Variants in KBTBD12 observed in about 807,000 individuals in gnomAD.
KBTBD12 encodes kelch repeat and BTB domain-containing protein 12.
A neutral mutation model predicts 58.7 loss-of-function variants in KBTBD12; 53 were observed. That is an observed-to-expected ratio of 0.90 (90% CI 0.72 to 1.14). The LOEUF (loss-of-function observed/expected upper bound fraction) is 1.14. Ranked by LOEUF, KBTBD12 falls within the 50% of genes most tolerant of loss-of-function variation. The pLI is 0.00. For synonymous variants in KBTBD12, 236 were observed against 259.8 expected (o/e 0.91, Z 0.88); for missense variants, 704 against 751.3 (o/e 0.94, Z 0.74).
chr3:127,928,798 AT>A (rs1212361930), intron 3 of KBTBD12, among the ~76,000 whole-genome samples: 1 of 152,128 alleles, frequency 6.6e-6, no homozygotes, highest in Non-Finnish European at 1.5e-5. Context: ...TGCCTGTATT[AT>A]TTTTTGTTTC....
chr3:127,952,572 A>G (rs749384300), intron 4 of KBTBD12, among the ~76,000 whole-genome samples: 1 of 152,254 alleles, frequency 6.6e-6, no homozygotes, highest in Non-Finnish European at 1.5e-5. Flanking sequence ...GCAATTGTAC[A>G]TATGTTTAGA....
intron 4 of KBTBD12, among the ~76,000 whole-genome samples, chr3:127,956,069 G>A (rs776844503): frequency 1.2e-4 from 19 of 152,286 alleles, no homozygotes; most frequent in Non-Finnish European, 2.6e-4. Flanking sequence ...ATGCCTCCTT[G>A]TTCTGAAAAA....
chr3:127,922,958 C>T lies in KBTBD12; in HGVS notation c.-104C>T. The T allele has an allele frequency of 1.5e-6, 1 of 670,200 alleles. No individual in the cohort carries two copies. Among genetic ancestry groups the T allele is most frequent in the Non-Finnish European group, 2.5e-6 (1 of 396,114 alleles). The allele number at this position is 670,200 out of a possible 1,614,324, so 41.5% of individuals were successfully genotyped here. A position where few individuals can be genotyped will look rare whatever the true frequency, so the allele number is the denominator to read the frequency against. ...TTTTTTCTTTCCCTTAGAAATGTTTCCTGACATCTTTGTAGCTTCATGAGT... is the reference window on the plus strand; with the variant it reads ...TTTTTTCTTTCCCTTAGAAATGTTTTCTGACATCTTTGTAGCTTCATGAGT... On this transcript the variant is annotated 5_prime_UTR_variant, in exon 2 of 6. Transcript: ENST00000405109.
intron 2 of KBTBD12, among the ~76,000 whole-genome samples, chr3:127,927,520 C>T (rs1447722251): frequency 2.6e-5 from 4 of 151,918 alleles, no homozygotes; most frequent in Admixed American, 6.6e-5. Flanking sequence ...TATACTTTTT[C>T]TCTATATTTT....
At chr3:127,916,260 G>T (rs1201865006) in intron 1 of KBTBD12, among the ~76,000 whole-genome samples, 1 of 152,190 alleles carries the variant, frequency 6.6e-6, no homozygotes, top group African/African-American at 2.4e-5. Flanking sequence ...ATTATGAAAT[G>T]AATCAGGTCT....
chr3:127,963,717 T>G (rs1044522628), intron 5 of KBTBD12: 8 of 226,962 alleles, frequency 3.5e-5, no homozygotes, highest in African/African-American at 1.8e-4. Flanking sequence ...GAATCTAGTT[T>G]GTACAGCATC....
chr3:127,928,065 A>C (rs1327782326), intron 3 of KBTBD12, 31 bp downstream of exon 3: 2 of 1,582,862 alleles, frequency 1.3e-6, no homozygotes, highest in Admixed American at 3.3e-5. Flanking sequence ...CATAATTGGC[A>C]TGGCTATACT....
chr3:127,967,999 G>A lies in KBTBD12; in HGVS notation c.1690+4613G>A, dbSNP rs115021110. On this transcript the variant is annotated intron_variant, in intron 5 of 5. Coordinates refer to ENST00000405109, the MANE Select transcript of KBTBD12 (RefSeq NM_207335.4). ...CTCACTGGTCATTATGAAAAATTCC[G>A]GTTCCCTAAGCTCAGCATTTCTCTG... Among the ~76,000 whole-genome samples the A allele has an allele frequency of 6.7e-3, 1,027 of 152,250 alleles. 16 individuals carry two copies. The highest frequency in any genetic ancestry group is 0.023 in the African/African-American group (944 of 41,540).
At chr3:127,922,903 TAGAGAATTTTTTCTTAG>T in intron 1 of KBTBD12, 30 bp from the exon 2 acceptor site, 1 of 561,272 alleles carries the variant, frequency 1.8e-6, no homozygotes. Flanking sequence ...ATCTAAATTA[TAGAGAATTTTTTCTTAG>T]AAGGAAACTG....
chr3:127,917,249 G>C (rs1038459568), intron 1 of KBTBD12, among the ~76,000 whole-genome samples: 1 of 152,156 alleles, frequency 6.6e-6, no homozygotes, highest in African/African-American at 2.4e-5. Flanking sequence ...TCTCAAGTTG[G>C]GGTTCCCTCT....
In KBTBD12 at chr3:127,933,056, A is replaced by G. The variant is rs1274384893; in HGVS notation, c.1492+2773A>G. Among the ~76,000 whole-genome samples the G allele has an allele frequency of 3.3e-5, 5 of 152,336 alleles. No homozygotes were observed. The South Asian group carries it at 6.2e-4, about 19-fold the overall frequency. On this transcript the variant is annotated intron_variant, in intron 4 of 5. Transcript: ENST00000405109. ...AAAGCCAAATGAAAGCAGATTTCCAACTATGAAGAACGGAAAAAGTCAACA... is the reference window on the plus strand; with the variant it reads ...AAAGCCAAATGAAAGCAGATTTCCAGCTATGAAGAACGGAAAAAGTCAACA...
At chr3:127,977,674 GTTGT>G (rs1010427079) in intron 5 of KBTBD12, among the ~76,000 whole-genome samples, 70 of 152,204 alleles carry the variant, frequency 4.6e-4, no homozygotes, top group African/African-American at 1.5e-3. Context: ...TTTTAATGGG[GTTGT>G]TTGTTTTTTG....
At chr3:127,920,285 A>G (rs1458019615) in intron 1 of KBTBD12, among the ~76,000 whole-genome samples, 1 of 152,154 alleles carries the variant, frequency 6.6e-6, no homozygotes, top group East Asian at 1.9e-4. Context: ...TGCTTTGCAT[A>G]TTAGAAATAT....
chr3:127,964,658 A>G (rs886191830), intron 5 of KBTBD12, among the ~76,000 whole-genome samples: 2 of 145,472 alleles, frequency 1.4e-5, no homozygotes, highest in Non-Finnish European at 3.0e-5. Flanking sequence ...AAAAAAAAAA[A>G]GAAAGAAAAA....
At chr3:127,927,542 T>C (rs969159881) in intron 2 of KBTBD12, among the ~76,000 whole-genome samples, 2 of 152,194 alleles carry the variant, frequency 1.3e-5, no homozygotes, top group African/African-American at 4.8e-5. Context: ...CCCAAAACTC[T>C]TCAGGTATAT....
intron 4 of KBTBD12, among the ~76,000 whole-genome samples, chr3:127,958,993 G>C (rs1412212794): frequency 6.6e-6 from 1 of 152,058 alleles, no homozygotes; most frequent in Non-Finnish European, 1.5e-5. Context: ...TGTACTGAAG[G>C]GCTTCATTCT....
intron 1 of KBTBD12, among the ~76,000 whole-genome samples, chr3:127,921,489 G>A (rs926215263): frequency 6.6e-5 from 10 of 152,122 alleles, no homozygotes; most frequent in African/African-American, 2.4e-4. Flanking sequence ...CATGTACAAT[G>A]CGAGTGTCTT....
At chr3:127,972,444 T>G (rs1940701106) in intron 5 of KBTBD12, among the ~76,000 whole-genome samples, 1 of 152,222 alleles carries the variant, frequency 6.6e-6, no homozygotes, top group African/African-American at 2.4e-5. Flanking sequence ...TGTTGGGTTT[T>G]CATTCAACAA....
At chr3:127,944,432 C>T (rs1940026219) in intron 4 of KBTBD12, among the ~76,000 whole-genome samples, 1 of 151,708 alleles carries the variant, frequency 6.6e-6, no homozygotes, top group South Asian at 2.1e-4. Flanking sequence ...GTATTTTATC[C>T]TTTTGGGTAC....
Sources: gnomAD v4.1 joint callset for allele counts (sites outside exome capture counted in the v4.1 genomes callset) on GRCh38, gnomAD v4.1.1 for gene constraint, MANE v1.5 for transcripts, NCBI Gene and HGNC (gene_info 2026-07-23, HGNC 2026-07-21) for gene names.